USP24: variants seen among roughly 807,000 people sequenced by gnomAD.
The protein encoded by USP24 is ubiquitin specific peptidase 24.
Under a neutral mutation model 361.6 loss-of-function variants are expected in USP24, and 97 were observed. The observed-to-expected ratio is 0.27, with a 90% CI of 0.23 to 0.32. The LOEUF is 0.32. Ranked by LOEUF, USP24 falls within the 10% of genes least tolerant of loss-of-function variation. The probability of loss-of-function intolerance (pLI) is 1.00; values close to 1 mark genes in which losing one functional copy is unlikely to be tolerated. For synonymous variants in USP24, 1,098 were observed against 1,124.6 expected, an observed-to-expected ratio of 0.98 and a Z score of 0.47; for missense variants, 2,353 against 3,165.6, an observed-to-expected ratio of 0.74 and a Z score of 6.16.
intron 50 of USP24, among the ~76,000 whole-genome samples, chr1:55,096,207 T>C (rs1037325862): frequency 3.3e-5 from 5 of 152,214 alleles, no homozygotes; most frequent in Non-Finnish European, 7.4e-5. Flanking sequence ...AGGTTCAATT[T>C]CAGTATTCAT....
chr1:55,215,146 A>C lies in USP24; in HGVS notation c.-33T>G. 6.6e-6 allele frequency: 8 copies of C among 1,220,924 alleles called. No individual in the cohort carries two copies. The highest frequency in any genetic ancestry group is 7.2e-6 in the Non-Finnish European group (7 of 976,832). 75.6% of individuals were successfully genotyped at this position (1,220,924 alleles called of 1,614,324 possible). On this transcript the variant is annotated 5_prime_UTR_variant, in exon 1 of 68. Coordinates refer to ENST00000294383, the MANE Select transcript of USP24 (RefSeq NM_015306.3). ...GCCTCCTGGCCGCCCCGGCCAGCGC[A>C]CGGCGAAGCTACGGGTCCCGGGCCT...
chr1:55,091,976 C>T, intron 54 of USP24, 47 bp downstream of exon 54: 2 of 1,370,698 alleles, frequency 1.5e-6, no homozygotes, highest in Non-Finnish European at 2.0e-6. Flanking sequence ...ATTGAATTCA[C>T]CAGTGCCCTC....
intron 2 of USP24, among the ~76,000 whole-genome samples, chr1:55,177,022 T>C (rs546242907): frequency 1.9e-3 from 286 of 150,854 alleles, no homozygotes; most frequent in African/African-American, 6.8e-3. Context: ...GCCTGGGAGG[T>C]TGAGGCTGCA....
intron 3 of USP24, among the ~76,000 whole-genome samples, chr1:55,174,216 G>A (rs1649728532): frequency 6.6e-6 from 1 of 152,170 alleles, no homozygotes. Flanking sequence ...AAAAGAAAAT[G>A]TGTGACAGCT....
Position 55,147,801 on chromosome 1 carries a change from T to C in USP24, c.1969-3A>G. On this transcript the variant is annotated splice_region_variant and splice_polypyrimidine_tract_variant and intron_variant, in intron 17 of 67. Transcript: ENST00000294383. ...TTCTTCAAGTCTTGAATAATGCTCTTGGCGAAAATAACAAAAAGAAAAGTG... is the reference window on the plus strand; with the variant it reads ...TTCTTCAAGTCTTGAATAATGCTCTCGGCGAAAATAACAAAAAGAAAAGTG... The C allele has an allele frequency of 6.2e-7, 1 of 1,610,430 alleles. No individual in the cohort carries two copies. Among genetic ancestry groups the C allele is most frequent in the Non-Finnish European group, 8.5e-7 (1 of 1,178,190 alleles).
intron 38 of USP24, among the ~76,000 whole-genome samples, chr1:55,118,876 T>C (rs1646196811): frequency 6.6e-6 from 1 of 152,240 alleles, no homozygotes; most frequent in Non-Finnish European, 1.5e-5. Context: ...GGATAGCTAC[T>C]ATCAAAAACA....
At chr1:55,083,466 T>C in intron 57 of USP24, 102 bp from the exon 58 acceptor site, 4 of 1,098,480 alleles carry the variant, frequency 3.6e-6, no homozygotes, top group Non-Finnish European at 3.9e-6. Flanking sequence ...CAATATATTT[T>C]TTAAGAATAT....
At chr1:55,092,185 C>CGT in intron 53 of USP24, 59 bp from the exon 54 acceptor site, 1 of 971,784 alleles carries the variant, frequency 1.0e-6, no homozygotes, top group East Asian at 3.2e-5. Flanking sequence ...GATTATTACA[C>CGT]AGTTACGAAC....
At chr1:55,108,005 A>C (rs1363146009) in intron 39 of USP24, among the ~76,000 whole-genome samples, 1 of 152,110 alleles carries the variant, frequency 6.6e-6, no homozygotes, top group African/African-American at 2.4e-5. Flanking sequence ...TGCTGAGGCT[A>C]TAAGATGAGG....
At chr1:55,136,971 A>C (rs11585666) in intron 28 of USP24, among the ~76,000 whole-genome samples, 16,956 of 152,234 alleles carry the variant, frequency 0.11, 1,149 homozygotes, top group Non-Finnish European at 0.16. Context: ...GACTGTAGAC[A>C]GAGGAGAGGT....
chr1:55,193,770 C>T (rs1644348900), intron 1 of USP24, among the ~76,000 whole-genome samples: 1 of 152,114 alleles, frequency 6.6e-6, no homozygotes, highest in South Asian at 2.1e-4. Flanking sequence ...ATTCTCAAAC[C>T]TCAGGAGGTA....
chr1:55,122,922 T>C (rs1303459277), intron 36 of USP24, among the ~76,000 whole-genome samples: 2 of 151,960 alleles, frequency 1.3e-5, no homozygotes, highest in African/African-American at 2.4e-5. Flanking sequence ...TGTCAACATA[T>C]AGATGGAATT....
rs747379452 is a variant in USP24 at position 55,172,524 on chromosome 1, TA to T, written c.559-5del. The T allele has an allele frequency of 6.2e-7, 1 of 1,608,068 alleles. No individual in the cohort carries two copies. Among genetic ancestry groups the T allele is most frequent in the East Asian group, 2.2e-5 (1 of 44,632 alleles). On this transcript the variant is annotated splice_region_variant and splice_polypyrimidine_tract_variant and intron_variant, in intron 3 of 67. Transcript: ENST00000294383. The stretch of plus-strand genomic sequence containing the variant: ...GAACAGCACTTGATGTCAGGAGCTA[TA>T]AAAACATAAAGGGCAATCTAGAGTC...
Position 55,093,917 on chromosome 1 carries a change from AT to A in USP24, c.6354+19del. 6 of 1,612,198 alleles carry A rather than the reference AT, an allele frequency of 3.7e-6. No homozygotes were observed. Among genetic ancestry groups the A allele is most frequent in the Non-Finnish European group, 5.1e-6 (6 of 1,179,252 alleles). On this transcript the variant is annotated intron_variant, in intron 52 of 67. Transcript: ENST00000294383. ...GTCCACGTGGATATTCCCCCTTAGA[AT>A]TTTTTATATGGTTCTTACCTGGTAT...
chr1:55,172,139 A>C (rs982074635), intron 4 of USP24, among the ~76,000 whole-genome samples: 5 of 152,228 alleles, frequency 3.3e-5, no homozygotes, highest in Admixed American at 3.3e-4. Flanking sequence ...GGGAGAGGTA[A>C]GAGAAAGGCA....
chr1:55,169,358 C>T (rs371128689), intron 5 of USP24, among the ~76,000 whole-genome samples: 17 of 151,492 alleles, frequency 1.1e-4, no homozygotes, highest in African/African-American at 4.2e-4. Flanking sequence ...TAACATGTAT[C>T]CAATCAAGTT....
intron 9 of USP24, among the ~76,000 whole-genome samples, chr1:55,159,297 C>T (rs1648020891): frequency 6.6e-6 from 1 of 152,168 alleles, no homozygotes; most frequent in Non-Finnish European, 1.5e-5. Flanking sequence ...CTTTAAACAA[C>T]TCTGGGTAAG....
At position 55,075,930 on chromosome 1, in the gene USP24, C is replaced by A. The variant is rs1368349431; in HGVS notation, c.7381-407G>T. Among the ~76,000 whole-genome samples, 5 of 152,190 alleles carry A rather than the reference C, an allele frequency of 3.3e-5. No homozygotes were observed. The Middle Eastern group carries it at 0.01, about 311-fold the overall frequency. ...GCTACAGTGAGCTACGACTGTGGCT[C>A]CAGCCTGGGCAACAGAGGGAGACTC... On this transcript the variant is annotated intron_variant, in intron 62 of 67. Transcript: ENST00000294383.
chr1:55,067,569 C>G lies in USP24; in HGVS notation c.*1476G>C, dbSNP rs1006789311. ...AAAAGACTGGGCCATGGCGAGAGCA[C>G]AGTAATGAGATGCCATCTGCCTGGC... On this transcript the variant is annotated 3_prime_UTR_variant, in exon 68 of 68. Coordinates refer to ENST00000294383, the MANE Select transcript of USP24 (RefSeq NM_015306.3). 1.3e-5 allele frequency: 2 copies of G among 152,246 alleles called. 1 individual carries two copies. Among genetic ancestry groups the G allele is most frequent in the African/African-American group, 4.8e-5 (2 of 41,464 alleles). 9.4% of individuals were successfully genotyped at this position (152,246 alleles called of 1,614,324 possible).
Sources: gnomAD v4.1 joint callset for allele counts (sites outside exome capture counted in the v4.1 genomes callset) on GRCh38, gnomAD v4.1.1 for gene constraint, MANE v1.5 for transcripts, NCBI Gene and HGNC (gene_info 2026-07-23, HGNC 2026-07-21) for gene names.